DPM2: variants seen among roughly 807,000 people sequenced by gnomAD.
The protein encoded by DPM2 is dolichyl-phosphate mannosyltransferase subunit 2, regulatory.
Under a neutral mutation model 12.1 loss-of-function variants are expected in DPM2, and 8 were observed. The observed-to-expected ratio is 0.66, with a 90% CI of 0.39 to 1.19. The LOEUF is 1.19. Ranked by LOEUF, DPM2 falls within the 50% of genes most tolerant of loss-of-function variation. The probability of loss-of-function intolerance (pLI) is 0.01; values close to 1 mark genes in which losing one functional copy is unlikely to be tolerated. For synonymous variants in DPM2, 38 were observed against 44.7 expected (o/e 0.85, Z 0.60); for missense variants, 93 against 102.5 (o/e 0.91, Z 0.40).
intron 3 of DPM2, chr9:127,936,086 A>C: frequency 1.8e-6 from 1 of 564,802 alleles, no homozygotes; most frequent in Non-Finnish European, 3.1e-6. Context: ...CTACATACCT[A>C]CCCACCTCCT....
At chr9:127,935,893 A>G (rs948350811) in intron 3 of DPM2, 113 bp from the exon 4 acceptor site, 24 of 977,508 alleles carry the variant, frequency 2.5e-5, no homozygotes, top group Non-Finnish European at 3.5e-5. Context: ...CTACCCAACC[A>G]TCCTCCAGGG....
At position 127,935,701 on chromosome 9, in the gene DPM2, A is replaced by G; in HGVS notation, c.*21T>C. On this transcript the variant is annotated 3_prime_UTR_variant, in exon 4 of 4. Coordinates refer to ENST00000314392, the MANE Select transcript of DPM2 (RefSeq NM_003863.4). ...GAGGGGAAGCAGAGAAGGGGCTGGCAGCCTCATCCCTGCGGGACCTTCACT... is the reference window on the plus strand; with the variant it reads ...GAGGGGAAGCAGAGAAGGGGCTGGCGGCCTCATCCCTGCGGGACCTTCACT... 1 of 1,612,986 alleles carries G rather than the reference A, an allele frequency of 6.2e-7. No individual in the cohort carries two copies. Among genetic ancestry groups the G allele is most frequent in the Non-Finnish European group, 8.5e-7 (1 of 1,179,206 alleles).
chr9:127,935,639 C>A lies in DPM2; in HGVS notation c.*83G>T. On this transcript the variant is annotated 3_prime_UTR_variant, in exon 4 of 4. Coordinates refer to ENST00000314392, the MANE Select transcript of DPM2 (RefSeq NM_003863.4). ...GGCTTGAGGAGCCACTGTGCCTGGA[C>A]AGGTTCTGCAGGCTCCCCCACTTGG... 1.4e-6 allele frequency: 2 copies of A among 1,444,260 alleles called. No individual in the cohort carries two copies. Among genetic ancestry groups the A allele is most frequent in the Non-Finnish European group, 1.9e-6 (2 of 1,038,480 alleles). The allele number at this position is 1,444,260 out of a possible 1,614,324, so 89.5% of individuals were successfully genotyped here. A position where few individuals can be genotyped will look rare whatever the true frequency, so the allele number is the denominator to read the frequency against.
rs886063480 is a variant in DPM2 at position 127,935,169 on chromosome 9, C to T, written c.*553G>A. On this transcript the variant is annotated 3_prime_UTR_variant, in exon 4 of 4. Transcript: ENST00000314392. ...CCCTGGGGCTTTGGGGCTGGGCCTC[C>T]GTGAGGAGAGGTCAGTCGGTCAGCG... The T allele has an allele frequency of 1.1e-4, 19 of 169,750 alleles. No individual in the cohort carries two copies. The highest frequency in any genetic ancestry group is 1.5e-4 in the Non-Finnish European group (12 of 80,080). 10.5% of individuals were successfully genotyped at this position (169,750 alleles called of 1,614,324 possible). A position where few individuals can be genotyped will look rare whatever the true frequency, so the allele number is the denominator to read the frequency against.
At chr9:127,936,807 G>A in intron 2 of DPM2, 152 bp from the exon 3 acceptor site, 1 of 628,542 alleles carries the variant, frequency 1.6e-6, no homozygotes, top group Non-Finnish European at 2.4e-6. Flanking sequence ...TGGGTGTCGT[G>A]GTTTGTTTCT....
intron 3 of DPM2, 114 bp downstream of exon 3, chr9:127,936,437 CCA>C: frequency 6.2e-7 from 1 of 1,606,702 alleles, no homozygotes; most frequent in South Asian, 1.1e-5. Context: ...CAGGAAAACC[CCA>C]CGGGTGAGTT....
chr9:127,937,421 G>A lies in DPM2; in HGVS notation c.93+13C>T. 3.7e-6 allele frequency: 6 copies of A among 1,607,756 alleles called. No homozygotes were observed. Among genetic ancestry groups the A allele is most frequent in the Non-Finnish European group, 4.3e-6 (5 of 1,175,350 alleles). On this transcript the variant is annotated intron_variant, in intron 2 of 3. Transcript: ENST00000314392. ...TCGGGGAAGGTGAGCAGCGGACGGGGAGAATGACATACCAAGAGAATCACC... is the reference window on the plus strand; with the variant it reads ...TCGGGGAAGGTGAGCAGCGGACGGGAAGAATGACATACCAAGAGAATCACC...
rs755504291 is a variant in DPM2, at chr9:127,937,805, G to T, written c.3+13C>A. 1 of 1,609,838 alleles carries T rather than the reference G, an allele frequency of 6.2e-7. No homozygotes were observed. The highest frequency in any genetic ancestry group is 8.5e-7 in the Non-Finnish European group (1 of 1,177,852). On this transcript the variant is annotated intron_variant, in intron 1 of 3. Coordinates refer to ENST00000314392, the MANE Select transcript of DPM2 (RefSeq NM_003863.4). ...CAGACGCCCCTATCTCCGGCACACG[G>T]TGCCAATCTCACCATTTCCCCGCGC...
chr9:127,935,888 C>A, intron 3 of DPM2, 108 bp from the exon 4 acceptor site: 1 of 1,033,898 alleles, frequency 9.7e-7, no homozygotes, highest in Non-Finnish European at 1.5e-6. Flanking sequence ...TGAACCTACC[C>A]AACCATCCTC....
chr9:127,936,182 A>T, intron 3 of DPM2: 1 of 1,143,532 alleles, frequency 8.7e-7, no homozygotes, highest in Non-Finnish European at 1.2e-6. Context: ...CTTTCTGAGC[A>T]CAGCCTCAGT....
Position 127,935,612 on chromosome 9 carries a change from C to G in DPM2, c.*110G>C, listed in dbSNP as rs1447079848. ...TGCCATGGGGACTCTGCAGGACAGG[C>G]AGGCTTGAGGAGCCACTGTGCCTGG... On this transcript the variant is annotated 3_prime_UTR_variant, in exon 4 of 4. Transcript: ENST00000314392. 3 of 1,118,214 alleles carry G rather than the reference C, an allele frequency of 2.7e-6. No individual in the cohort carries two copies. Among genetic ancestry groups the G allele is most frequent in the Non-Finnish European group, 4.0e-6 (3 of 754,564 alleles). 69.3% of individuals were successfully genotyped at this position (1,118,214 alleles called of 1,614,324 possible).
intron 3 of DPM2, chr9:127,936,089 C>T: frequency 1.7e-6 from 1 of 605,714 alleles, no homozygotes; most frequent in South Asian, 2.1e-5. Context: ...CATACCTACC[C>T]ACCTCCTCCT....
intron 3 of DPM2, 42 bp downstream of exon 3, chr9:127,936,511 C>T (rs1373622207): frequency 7.5e-6 from 12 of 1,603,704 alleles, no homozygotes; most frequent in African/African-American, 1.3e-5. Context: ...GGGGTCTTCC[C>T]GAAACCCTGC....
rs748240940 is a variant in DPM2 at position 127,936,654 on chromosome 9, G to A, written c.95C>T (p.Pro32Leu). The change falls in exon 3 of 4, where the codon CCA becomes CTA. Residue 32 changes from proline (P) to leucine (L), a missense_variant and splice_region_variant. Coordinates refer to ENST00000314392, the MANE Select transcript of DPM2 (RefSeq NM_003863.4). Reference sequence around the variant, plus strand: ...GATGACATGCTGACTGTCGATGAATGGCTGGCATCGAGGGAAGAGCTCTGG... The same window carrying A: ...GATGACATGCTGACTGTCGATGAATAGCTGGCATCGAGGGAAGAGCTCTGG... Reference protein sequence around the residue: ...TYYTAWVILLPFIDSQHVIHK... With the variant: ...TYYTAWVILLLFIDSQHVIHK... The A allele has an allele frequency of 1.3e-6, 2 of 1,495,618 alleles. No homozygotes were observed. Among genetic ancestry groups the A allele is most frequent in the African/African-American group, 2.8e-5 (2 of 70,626 alleles). The allele number at this position is 1,495,618 out of a possible 1,614,324, so 92.6% of individuals were successfully genotyped here.
intron 2 of DPM2, chr9:127,936,934 G>A (rs1831516745): frequency 2.7e-6 from 1 of 374,238 alleles, no homozygotes; most frequent in East Asian, 4.0e-5. Context: ...TCACAGCCTA[G>A]CAAATGGTAC....
chr9:127,937,246 C>T (rs1588690148), intron 2 of DPM2, 188 bp downstream of exon 2: 4 of 523,094 alleles, frequency 7.6e-6, no homozygotes, highest in Non-Finnish European at 1.0e-5. Flanking sequence ...AGATCCTTCT[C>T]CCCTAGCCTC....
In DPM2 at chr9:127,935,519, T is replaced by A; in HGVS notation, c.*203A>T. On this transcript the variant is annotated 3_prime_UTR_variant, in exon 4 of 4. Coordinates refer to ENST00000314392, the MANE Select transcript of DPM2 (RefSeq NM_003863.4). The stretch of plus-strand genomic sequence containing the variant: ...GGAGGTGACCGGAGTCTTCCAGGTA[T>A]CCCTCCCTCCTAGCTTCTGGAAGTG... The A allele has an allele frequency of 6.5e-6, 4 of 616,240 alleles. No homozygotes were observed. The highest frequency in any genetic ancestry group is 1.1e-5 in the Non-Finnish European group (4 of 348,112). 38.2% of individuals were successfully genotyped at this position (616,240 alleles called of 1,614,324 possible). A position where few individuals can be genotyped will look rare whatever the true frequency, so the allele number is the denominator to read the frequency against.
At chr9:127,936,498 G>A in intron 3 of DPM2, 55 bp downstream of exon 3, 2 of 1,606,768 alleles carry the variant, frequency 1.2e-6, no homozygotes, top group East Asian at 2.3e-5. Flanking sequence ...CATGTTCAGA[G>A]GTGGGGTCTT....
At chr9:127,936,053 C>T (rs1265664278) in intron 3 of DPM2, 7 of 591,660 alleles carry the variant, frequency 1.2e-5, no homozygotes, top group Non-Finnish European at 1.8e-5. Context: ...ATCGATCACC[C>T]GGTCAACCAC....
Sources: allele counts gnomAD v4.1 joint callset, GRCh38; gene constraint gnomAD v4.1.1; transcripts MANE v1.5; gene names NCBI Gene and HGNC (gene_info 2026-07-23, HGNC 2026-07-21).